The following RAB11FIP4 variants were observed in gnomAD, a reference collection of about 807,000 sequenced individuals.
RAB11FIP4 encodes rab11 family-interacting protein 4.
Under a neutral mutation model 74.3 loss-of-function variants are expected in RAB11FIP4, and 23 were observed. The observed-to-expected ratio is 0.31, with a 90% CI of 0.22 to 0.44. RAB11FIP4 has a LOEUF of 0.44. RAB11FIP4 is among the 20% of genes least tolerant of loss of function. The pLI is 1.00. For missense variants in RAB11FIP4, 630 were observed against 863.9 expected, an observed-to-expected ratio of 0.73 and a Z score of 3.39; for synonymous variants, 360 against 359.9, an observed-to-expected ratio of 1.00 and a Z score of 0.00.
At chr17:31,431,178 G>A (rs1301816906) in intron 1 of RAB11FIP4, among the ~76,000 whole-genome samples, 1 of 152,210 alleles carries the variant, frequency 6.6e-6, no homozygotes, top group Non-Finnish European at 1.5e-5. Context: ...ATGTGTTACA[G>A]CCACTAACAA....
chr17:31,440,206 G>A (rs1483749847), intron 3 of RAB11FIP4, among the ~76,000 whole-genome samples: 2 of 152,114 alleles, frequency 1.3e-5, no homozygotes, highest in Non-Finnish European at 2.9e-5. Context: ...TTTGCTTTTG[G>A]TGGGAGTAGA....
rs1168484037 is a variant in RAB11FIP4, at chr17:31,516,417, A to G, written c.337-1234A>G. Reference sequence around the variant, plus strand: ...CAGGTTCTTAGCGTCTTGAACAAAAATTGGACAAAATGCACAAACAAAACA... The same window carrying G: ...CAGGTTCTTAGCGTCTTGAACAAAAGTTGGACAAAATGCACAAACAAAACA... On this transcript the variant is annotated intron_variant, in intron 3 of 14. Coordinates refer to ENST00000621161, the MANE Select transcript of RAB11FIP4 (RefSeq NM_032932.6). Among the ~76,000 whole-genome samples, 3 of 152,152 alleles carry G rather than the reference A, an allele frequency of 2.0e-5. No homozygotes were observed. In the East Asian group the frequency reaches 5.8e-4, roughly 29 times the overall value.
chr17:31,447,758 G>A (rs1464945117), intron 3 of RAB11FIP4, among the ~76,000 whole-genome samples: 1 of 152,140 alleles, frequency 6.6e-6, no homozygotes, highest in Non-Finnish European at 1.5e-5. Flanking sequence ...CCTGACCTCA[G>A]GTGATCTGCC....
At chr17:31,401,225 T>C (rs1193077114) in intron 1 of RAB11FIP4, among the ~76,000 whole-genome samples, 2 of 150,660 alleles carry the variant, frequency 1.3e-5, no homozygotes, top group Non-Finnish European at 2.9e-5. Context: ...TGAGCCAAGA[T>C]CACGCCACTG....
intron 1 of RAB11FIP4, among the ~76,000 whole-genome samples, chr17:31,400,024 C>A (rs2070970012): frequency 6.7e-6 from 1 of 148,714 alleles, no homozygotes; most frequent in Non-Finnish European, 1.5e-5. Context: ...GCCTAGGCGA[C>A]AGAGTGAGAT....
chr17:31,430,911 G>A (rs1019542513), intron 1 of RAB11FIP4, among the ~76,000 whole-genome samples: 1 of 152,176 alleles, frequency 6.6e-6, no homozygotes, highest in African/African-American at 2.4e-5. Context: ...AAGGGAGGGA[G>A]GACGGGGTCA....
intron 3 of RAB11FIP4, among the ~76,000 whole-genome samples, chr17:31,472,301 T>C (rs2071745309): frequency 6.6e-6 from 1 of 151,958 alleles, no homozygotes; most frequent in South Asian, 2.1e-4. Context: ...GCTCCCCCCA[T>C]ACCCAGCGCA....
chr17:31,471,439 G>A (rs1425160179), intron 3 of RAB11FIP4, among the ~76,000 whole-genome samples: 1 of 152,086 alleles, frequency 6.6e-6, no homozygotes, highest in Non-Finnish European at 1.5e-5. Context: ...TCATAGAAAT[G>A]CACACATACT....
intron 3 of RAB11FIP4, among the ~76,000 whole-genome samples, chr17:31,468,408 G>A (rs143703770): frequency 1.1e-4 from 17 of 152,262 alleles, no homozygotes; most frequent in African/African-American, 4.1e-4. Context: ...GAATGTCCTT[G>A]CGCAGGTTAT....
chr17:31,525,440 G>A (rs2072748526), intron 10 of RAB11FIP4: 2 of 591,158 alleles, frequency 3.4e-6, no homozygotes, highest in African/African-American at 1.9e-5. Flanking sequence ...GTTCCCAGGA[G>A]CGTGGCTCAC....
At chr17:31,490,965 G>A (rs1186685391) in intron 3 of RAB11FIP4, among the ~76,000 whole-genome samples, 2 of 152,236 alleles carry the variant, frequency 1.3e-5, no homozygotes, top group Non-Finnish European at 2.9e-5. Flanking sequence ...GTCTTCCTCT[G>A]GGTCAGCTCT....
chr17:31,509,604 C>T (rs1253651071), intron 3 of RAB11FIP4: 2 of 152,298 alleles, frequency 1.3e-5, no homozygotes, highest in Non-Finnish European at 2.9e-5. Context: ...TGGGTCCCTC[C>T]CTGACACCCC....
intron 3 of RAB11FIP4, among the ~76,000 whole-genome samples, chr17:31,492,028 G>A (rs779810848): frequency 6.6e-6 from 1 of 152,190 alleles, no homozygotes; most frequent in East Asian, 1.9e-4. Context: ...TCTGACAGCT[G>A]CCTGGGCCTG....
chr17:31,471,769 C>A (rs923525166), intron 3 of RAB11FIP4, among the ~76,000 whole-genome samples: 2 of 152,176 alleles, frequency 1.3e-5, no homozygotes, highest in Non-Finnish European at 2.9e-5. Context: ...GAGAGCCTGA[C>A]GCTCAAGTTG....
At chr17:31,517,195 G>GC (rs1567687894) in intron 3 of RAB11FIP4, among the ~76,000 whole-genome samples, 2 of 62,066 alleles carry the variant, frequency 3.2e-5, no homozygotes, top group African/African-American at 1.4e-4. Context: ...GCGGTGCGGG[G>GC]GGGGGGGCGG....
intron 3 of RAB11FIP4, among the ~76,000 whole-genome samples, chr17:31,467,773 C>T (rs2071699553): frequency 6.6e-6 from 1 of 152,228 alleles, no homozygotes; most frequent in Non-Finnish European, 1.5e-5. Context: ...GGGAGGGCAG[C>T]TCCATTACCG....
In RAB11FIP4 at chr17:31,505,541, A is replaced by ATAT. The variant is rs2072315402; in HGVS notation, c.337-12106_337-12104dup. Among the ~76,000 whole-genome samples the ATAT allele has an allele frequency of 9.0e-5, 6 of 66,524 alleles. No homozygotes were observed. In the Admixed American group the frequency reaches 1.2e-3, roughly 14 times the overall value. The allele number at this position is 66,524 out of a possible 152,430, so 43.6% of individuals were successfully genotyped here. On this transcript the variant is annotated intron_variant, in intron 3 of 14. Coordinates refer to ENST00000621161, the MANE Select transcript of RAB11FIP4 (RefSeq NM_032932.6). ...ATTATATATTATATATAATTATTAT[A>ATAT]TATTATATATAATAATAATTATAAT...
intron 3 of RAB11FIP4, among the ~76,000 whole-genome samples, chr17:31,487,621 G>C (rs1298883026): frequency 6.6e-6 from 1 of 152,208 alleles, no homozygotes; most frequent in Non-Finnish European, 1.5e-5. Flanking sequence ...TTAGGGGGTG[G>C]AGGCGGCGGC....
chr17:31,411,190 C>T (rs912209177), intron 1 of RAB11FIP4, among the ~76,000 whole-genome samples: 3 of 152,058 alleles, frequency 2.0e-5, no homozygotes, highest in African/African-American at 7.2e-5. Flanking sequence ...GGTGAAACCC[C>T]GTCTCTACTA....
Sources: allele counts gnomAD v4.1 joint callset (sites outside exome capture counted in the v4.1 genomes callset), GRCh38; gene constraint gnomAD v4.1.1; transcripts MANE v1.5; gene names NCBI Gene and HGNC (gene_info 2026-07-23, HGNC 2026-07-21).